TMEM238L: variants seen among roughly 807,000 people sequenced by gnomAD.
The protein encoded by TMEM238L is transmembrane protein 238-like.
intron 1 of TMEM238L, among the ~76,000 whole-genome samples, chr17:10,800,930 A>T (rs1453857095): frequency 5.9e-5 from 9 of 152,210 alleles, no homozygotes; most frequent in Non-Finnish European, 1.5e-5. Flanking sequence ...AATGGGTTTC[A>T]GCCGGTAATA....
chr17:10,801,270 C>T (rs923319808), intron 1 of TMEM238L, among the ~76,000 whole-genome samples: 2 of 152,134 alleles, frequency 1.3e-5, no homozygotes, highest in Non-Finnish European at 2.9e-5. Context: ...GATCTCCTGA[C>T]CTCGTGATCT....
chr17:10,803,977 C>T, exon 1 of TMEM238L: 2 of 398,990 alleles, frequency 5.0e-6, no homozygotes, highest in Non-Finnish European at 8.8e-6. Flanking sequence ...CCAGGAGGAG[C>T]GGGAGGAGCC....
intron 1 of TMEM238L, among the ~76,000 whole-genome samples, chr17:10,799,529 G>A (rs1904667828): frequency 6.6e-6 from 1 of 152,160 alleles, no homozygotes; most frequent in Non-Finnish European, 1.5e-5. Flanking sequence ...TCTGAAGGCT[G>A]AGCTAGGAAT....
chr17:10,797,220 G>C (rs1287575551), intron 1 of TMEM238L, among the ~76,000 whole-genome samples: 2 of 118,676 alleles, frequency 1.7e-5, no homozygotes, highest in African/African-American at 4.6e-5. Context: ...ATCTGTAATA[G>C]AGAGGAATAA....
At chr17:10,798,726 CGT>C (rs1904637810) in intron 1 of TMEM238L, among the ~76,000 whole-genome samples, 1 of 150,180 alleles carries the variant, frequency 6.7e-6, no homozygotes, top group Non-Finnish European at 1.5e-5. Flanking sequence ...GTGTGGGGGG[CGT>C]GTTTGTGTGT....
chr17:10,796,279 C>G (rs931462635), intron 1 of TMEM238L, among the ~76,000 whole-genome samples: 2 of 152,238 alleles, frequency 1.3e-5, no homozygotes, highest in African/African-American at 2.4e-5. Flanking sequence ...GCAGGCAAAG[C>G]CGATGCCTAC....
intron 1 of TMEM238L, among the ~76,000 whole-genome samples, chr17:10,802,116 A>C (rs1204921127): frequency 2.6e-5 from 4 of 152,128 alleles, no homozygotes; most frequent in African/African-American, 9.7e-5. Flanking sequence ...AGTGTCTTGC[A>C]CAGTGCCTGA....
At chr17:10,797,238 T>A (rs917429758) in intron 1 of TMEM238L, among the ~76,000 whole-genome samples, 25 of 152,158 alleles carry the variant, frequency 1.6e-4, no homozygotes, top group Admixed American at 1.6e-3. Flanking sequence ...TAATAATGAT[T>A]ATGATGATAA....
chr17:10,799,641 G>A lies in TMEM238L; in HGVS notation c.*119-3693C>T, dbSNP rs1011418761. Among the ~76,000 whole-genome samples the A allele has an allele frequency of 2.6e-5, 4 of 152,352 alleles. No individual in the cohort carries two copies. In the East Asian group the frequency reaches 7.7e-4, roughly 29 times the overall value. ...GCCAGTTACAATCTGCCCGTAAATC[G>A]TGAATGTGTCTGGAATTGACATATA... is the stretch of plus-strand genomic sequence containing the variant. On this transcript the variant is annotated intron_variant, in intron 1 of 1. Coordinates refer to ENST00000581851, the Ensembl canonical transcript of TMEM238L.
intron 1 of TMEM238L, among the ~76,000 whole-genome samples, chr17:10,803,175 T>C (rs1208630650): frequency 1.3e-5 from 2 of 152,092 alleles, no homozygotes; most frequent in African/African-American, 2.4e-5. Flanking sequence ...TCACACCCCT[T>C]CATGTATGCA....
chr17:10,799,136 C>T (rs1269129024), intron 1 of TMEM238L, among the ~76,000 whole-genome samples: 1 of 152,180 alleles, frequency 6.6e-6, no homozygotes, highest in Non-Finnish European at 1.5e-5. Flanking sequence ...TTGTCCTGAC[C>T]GAGCATGGGA....
exon 2 of TMEM238L, chr17:10,795,927 A>G (rs1567608629): frequency 6.6e-6 from 1 of 152,224 alleles, no homozygotes; most frequent in Non-Finnish European, 1.5e-5. Context: ...CCTTGAATTG[A>G]TTCTCCTCCA....
chr17:10,802,802 C>A (rs912107661), intron 1 of TMEM238L, among the ~76,000 whole-genome samples: 21 of 152,304 alleles, frequency 1.4e-4, no homozygotes, highest in African/African-American at 4.8e-4. Context: ...TTGTAAGGAC[C>A]AGACCACTCT....
At chr17:10,798,703 G>A (rs1214299393) in intron 1 of TMEM238L, among the ~76,000 whole-genome samples, 1 of 151,916 alleles carries the variant, frequency 6.6e-6, no homozygotes, top group African/African-American at 2.4e-5. Context: ...GGATGTGTGT[G>A]GTAGGTGTGA....
At chr17:10,802,563 G>A (rs896438310) in intron 1 of TMEM238L, 2 of 152,582 alleles carry the variant, frequency 1.3e-5, no homozygotes, top group Non-Finnish European at 2.9e-5. Flanking sequence ...TCTTTTCTCT[G>A]AGTTCTGAGA....
At chr17:10,795,916 T>C in exon 2 of TMEM238L, 1 of 152,390 alleles carries the variant, frequency 6.6e-6, no homozygotes, top group Non-Finnish European at 1.5e-5. Context: ...GAAGGGCATC[T>C]CCTTGAATTG....
At chr17:10,795,070 A>T (rs1254426597) in exon 2 of TMEM238L, 1 of 152,328 alleles carries the variant, frequency 6.6e-6, no homozygotes, top group Non-Finnish European at 1.5e-5. Context: ...TTAGTGGGGC[A>T]GGTCGGGCTC....
At chr17:10,800,421 A>G (rs1041614881) in intron 1 of TMEM238L, among the ~76,000 whole-genome samples, 1 of 152,166 alleles carries the variant, frequency 6.6e-6, no homozygotes, top group Admixed American at 6.5e-5. Flanking sequence ...TACAATAAAG[A>G]ACATATTAAA....
rs990563551 is a variant in TMEM238L, at chr17:10,803,262, A to C, written c.*118+344T>G. On this transcript the variant is annotated intron_variant, in intron 1 of 1. Transcript: ENST00000581851. ...TTTCTCCCCAGCAGAGATTCTTCCC[A>C]ACAGAGAATGCAGATGGGGTCTTTT... Among the ~76,000 whole-genome samples the C allele has an allele frequency of 1.2e-4, 18 of 152,160 alleles. 1 individual carries two copies. Among genetic ancestry groups the C allele is most frequent in the Admixed American group, 9.2e-4 (14 of 15,278 alleles).
Sources: allele counts gnomAD v4.1 joint callset (sites outside exome capture counted in the v4.1 genomes callset), GRCh38; gene constraint gnomAD v4.1.1; transcripts MANE v1.5; gene names NCBI Gene and HGNC (gene_info 2026-07-23, HGNC 2026-07-21).